KNG1: variants seen among roughly 807,000 people sequenced by gnomAD.
KNG1 encodes kininogen 1, also known as kininogen-1.
Under a neutral mutation model 47.8 loss-of-function variants are expected in KNG1, and 23 were observed. The ratio of observed to expected loss-of-function variants is 0.48; its 90% CI spans 0.35 to 0.68. The LOEUF (loss-of-function observed/expected upper bound fraction) is 0.68. KNG1 is among the 30% of genes least tolerant of loss of function. The pLI is 0.01. For missense variants in KNG1, 762 were observed against 790.2 expected, an observed-to-expected ratio of 0.96 and a Z score of 0.43; for synonymous variants, 277 against 277.0, an observed-to-expected ratio of 1.00 and a Z score of 0.00.
At chr3:186,719,520 C>T (rs995989106) in intron 1 of KNG1, among the ~76,000 whole-genome samples, 1 of 152,082 alleles carries the variant, frequency 6.6e-6, no homozygotes. Context: ...GCGGGGGGAT[C>T]ACGAAGTCAG....
At position 186,736,444 on chromosome 3, in the gene KNG1, C is replaced by T. The variant is rs557486539; in HGVS notation, c.931-2655C>T. The T allele has an allele frequency of 7.2e-5, 11 of 152,256 alleles. No homozygotes were observed. The South Asian group carries it at 1.9e-3, about 26-fold the overall frequency. The allele number at this position is 152,256 out of a possible 1,614,324, so 9.4% of individuals were successfully genotyped here. On this transcript the variant is annotated intron_variant, in intron 7 of 9. Transcript: ENST00000644859. ...CCTGTTTGGATGCATGTTGATTCCA[C>T]GTTGGGTTCATATTTCAGATATGAA...
intron 9 of KNG1, among the ~76,000 whole-genome samples, 158 bp from the exon 10 acceptor site, chr3:186,741,364 T>A (rs541369528): frequency 7.0e-4 from 107 of 152,262 alleles, no homozygotes; most frequent in Non-Finnish European, 1.0e-3. Flanking sequence ...ACAAAAAAAA[T>A]TATTCATCCT....
intron 4 of KNG1, 140 bp from the exon 5 acceptor site, chr3:186,727,097 G>T: frequency 4.6e-6 from 3 of 649,320 alleles, no homozygotes; most frequent in Non-Finnish European, 8.3e-6. Flanking sequence ...GCATTTTTTT[G>T]CCTAGTAATA....
In KNG1 at chr3:186,743,832, T is replaced by C; in HGVS notation, c.*1501T>C. The stretch of plus-strand genomic sequence containing the variant: ...CCAGGCACATAGCCCCAACCACCTC[T>C]GCCAGCAACCTTGAGAGGAAGGACA... On this transcript the variant is annotated 3_prime_UTR_variant, in exon 10 of 10. Coordinates refer to ENST00000644859, the MANE Select transcript of KNG1 (RefSeq NM_001102416.3). The C allele has an allele frequency of 7.5e-7, 1 of 1,325,070 alleles. No individual in the cohort carries two copies. The highest frequency in any genetic ancestry group is 1.1e-6 in the Non-Finnish European group (1 of 916,456). The allele number at this position is 1,325,070 out of a possible 1,614,324, so 82.1% of individuals were successfully genotyped here. A position where few individuals can be genotyped will look rare whatever the true frequency, so the allele number is the denominator to read the frequency against.
At chr3:186,734,005 A>C (rs569401658) in intron 7 of KNG1, among the ~76,000 whole-genome samples, 2 of 152,184 alleles carry the variant, frequency 1.3e-5, no homozygotes, top group Admixed American at 6.5e-5. Context: ...AGCAACTCCA[A>C]TAGTCTCTGA....
At chr3:186,739,497 C>A in intron 9 of KNG1, 83 bp downstream of exon 9, 1 of 924,828 alleles carries the variant, frequency 1.1e-6, no homozygotes, top group Non-Finnish European at 1.8e-6. Flanking sequence ...TGAACCATTA[C>A]TGAAATGAAT....
chr3:186,724,316 T>C (rs528052803), intron 3 of KNG1, among the ~76,000 whole-genome samples: 1 of 152,342 alleles, frequency 6.6e-6, no homozygotes, highest in Admixed American at 6.5e-5. Flanking sequence ...CCTCCAGGTG[T>C]GCCACTCACT....
chr3:186,731,076 G>A (rs1218375718), intron 5 of KNG1, among the ~76,000 whole-genome samples: 2 of 151,898 alleles, frequency 1.3e-5, no homozygotes, highest in African/African-American at 4.8e-5. Context: ...TTAGGAATGA[G>A]TGTTTTGTTC....
At chr3:186,739,257 T>G (rs771118584) in intron 8 of KNG1, 51 bp downstream of exon 8, 1 of 1,586,166 alleles carries the variant, frequency 6.3e-7, no homozygotes, top group Non-Finnish European at 8.7e-7. Flanking sequence ...TATTTGATGT[T>G]TTTAGAATCA....
At chr3:186,720,254 C>T (rs754016951) in intron 2 of KNG1, 39 bp downstream of exon 2, 6 of 1,343,826 alleles carry the variant, frequency 4.5e-6, no homozygotes, top group Middle Eastern at 3.6e-4. Flanking sequence ...CTGTTTTCTC[C>T]GTTGACCCTG....
intron 9 of KNG1, 49 bp from the exon 10 acceptor site, chr3:186,741,473 A>G (rs1267647561): frequency 1.9e-6 from 3 of 1,551,666 alleles, no homozygotes; most frequent in African/African-American, 2.8e-5. Flanking sequence ...TCTATCATCA[A>G]TAGCATGATT....
rs748200931 is a variant in KNG1, at chr3:186,717,718, T to A, written c.176T>A (p.Ile59Lys). Residue 59 changes from isoleucine to lysine, a missense_variant, in exon 1 of 10, where the codon ATA becomes AAA. Coordinates refer to ENST00000644859, the MANE Select transcript of KNG1 (RefSeq NM_001102416.3). ...AACAACCAGTTTGTATTGTACCGCATAACTGAAGCCACTAAGACGGTGAGT... is the reference window on the plus strand; with the variant it reads ...AACAACCAGTTTGTATTGTACCGCAAAACTGAAGCCACTAAGACGGTGAGT... Reference protein sequence around the residue: ...QSNNQFVLYRITEATKTVGSD... With the variant: ...QSNNQFVLYRKTEATKTVGSD... 5 of 1,612,766 alleles carry A rather than the reference T, an allele frequency of 3.1e-6. No individual in the cohort carries two copies. In the South Asian group the frequency reaches 5.5e-5, roughly 18 times the overall value.
chr3:186,734,435 A>ATGATG (rs1321619509), intron 7 of KNG1, among the ~76,000 whole-genome samples: 4 of 152,136 alleles, frequency 2.6e-5, no homozygotes, highest in Non-Finnish European at 5.9e-5. Context: ...TTGAATATAC[A>ATGATG]TGATGTTATC....
intron 2 of KNG1, 40 bp downstream of exon 2, chr3:186,720,255 G>A (rs374018206): frequency 1.9e-5 from 25 of 1,324,934 alleles, no homozygotes; most frequent in African/African-American, 5.8e-5. Context: ...TGTTTTCTCC[G>A]TTGACCCTGC....
chr3:186,734,235 A>G (rs1053962657), intron 7 of KNG1, among the ~76,000 whole-genome samples: 1 of 152,246 alleles, frequency 6.6e-6, no homozygotes, highest in African/African-American at 2.4e-5. Context: ...AATGATATTC[A>G]CTGCAGTTTT....
Position 186,731,544 on chromosome 3 carries a change from G to T in KNG1, c.673-1G>T. 1.2e-6 allele frequency: 2 copies of T among 1,600,998 alleles called. No individual in the cohort carries two copies. The highest frequency in any genetic ancestry group is 1.7e-6 in the Non-Finnish European group (2 of 1,168,216). On this transcript the variant is annotated splice_acceptor_variant, in intron 5 of 9. Coordinates refer to ENST00000644859, the MANE Select transcript of KNG1 (RefSeq NM_001102416.3). LOFTEE classifies it high-confidence loss of function. Reference sequence around the variant, plus strand: ...GCACTTATATGCTTTTTAAAAACCAGGATACCGGTGAATGTACAGATAATG... The same window carrying T: ...GCACTTATATGCTTTTTAAAAACCATGATACCGGTGAATGTACAGATAATG...
intron 5 of KNG1, 48 bp downstream of exon 5, chr3:186,727,392 A>T (rs1224207697): frequency 8.1e-7 from 1 of 1,233,714 alleles, no homozygotes; most frequent in Non-Finnish European, 1.2e-6. Context: ...TTTTGTTTAC[A>T]TTTTGTGGTA....
At chr3:186,726,571 T>C (rs574137039) in intron 4 of KNG1, among the ~76,000 whole-genome samples, 1 of 152,070 alleles carries the variant, frequency 6.6e-6, no homozygotes, top group African/African-American at 2.4e-5. Flanking sequence ...ATTACAGGCA[T>C]GAGCCACCAC....
chr3:186,742,039 T>C lies in KNG1; in HGVS notation c.1643T>C (p.Ile548Thr), dbSNP rs766892389. The C allele has an allele frequency of 3.1e-6, 5 of 1,613,870 alleles. No individual in the cohort carries two copies. Among genetic ancestry groups the C allele is most frequent in the Middle Eastern group, 1.6e-4 (1 of 6,084 alleles). Residue 548 changes from isoleucine to threonine, a missense_variant, in exon 10 of 10, where the codon ATC (isoleucine) becomes ACC (threonine). Physicochemically the swap from Ile to Thr is moderately conservative, Grantham distance 89. Transcript: ENST00000644859. ...GAGAAGACAGAAGGGCCAACACCCA[T>C]CCCTTCCCTAGCCAAGCCAGGTGTA... Reference protein sequence around the residue: ...TQEKTEGPTPIPSLAKPGVTV... With the variant: ...TQEKTEGPTPTPSLAKPGVTV...
Sources: allele counts gnomAD v4.1 joint callset (sites outside exome capture counted in the v4.1 genomes callset), GRCh38; gene constraint gnomAD v4.1.1; transcripts MANE v1.5; gene names NCBI Gene and HGNC (gene_info 2026-07-23, HGNC 2026-07-21).